PPIP5K1: variants seen among roughly 807,000 people sequenced by gnomAD.
PPIP5K1 encodes diphosphoinositol pentakisphosphate kinase 1.
PPIP5K1 carries 6 observed loss-of-function variants against 27.7 expected under a neutral mutation model. The observed-to-expected ratio is 0.22, with a 90% CI of 0.12 to 0.43. PPIP5K1 has a LOEUF of 0.43. Ranked by LOEUF, PPIP5K1 falls within the 20% of genes least tolerant of loss-of-function variation. The pLI, the probability that PPIP5K1 is intolerant of heterozygous loss-of-function variation, is 1.00. For synonymous variants in PPIP5K1, 145 were observed against 242.6 expected, an observed-to-expected ratio of 0.60 and a Z score of 3.74; for missense variants, 394 against 635.4, an observed-to-expected ratio of 0.62 and a Z score of 4.08.
chr15:43,544,114 T>C (rs928698738), intron 30 of PPIP5K1, among the ~76,000 whole-genome samples: 3 of 152,110 alleles, frequency 2.0e-5, no homozygotes, highest in Non-Finnish European at 4.4e-5. Flanking sequence ...AAAGGCACAC[T>C]CAGAGAAACT....
intron 30 of PPIP5K1, among the ~76,000 whole-genome samples, chr15:43,551,305 G>A (rs2082153389): frequency 6.6e-6 from 1 of 151,870 alleles, no homozygotes; most frequent in African/African-American, 2.4e-5. Context: ...ATCACTTGAG[G>A]CCAGGAGTTC....
intron 30 of PPIP5K1, among the ~76,000 whole-genome samples, chr15:43,544,813 T>TA: frequency 6.6e-6 from 1 of 151,496 alleles, no homozygotes; most frequent in Non-Finnish European, 1.5e-5. Context: ...ACCCTGTCTC[T>TA]AAAAAAACAC....
intron 30 of PPIP5K1, among the ~76,000 whole-genome samples, chr15:43,549,187 C>T (rs929764017): frequency 6.6e-6 from 1 of 150,462 alleles, no homozygotes; most frequent in Admixed American, 6.6e-5. Context: ...GCTGGAATCA[C>T]AGGCATGAAC....
intron 29 of PPIP5K1, 122 bp from the exon 30 acceptor site, chr15:43,559,054 T>G: frequency 1.7e-6 from 2 of 1,145,052 alleles, no homozygotes; most frequent in Non-Finnish European, 2.5e-6. Flanking sequence ...GAGTGTTGGG[T>G]ATCCAAGACT....
In PPIP5K1 at chr15:43,535,467, C is replaced by T; in HGVS notation, c.3680G>A (p.Gly1227Asp). The T allele has an allele frequency of 6.4e-7, 1 of 1,567,328 alleles. No individual in the cohort carries two copies. Among genetic ancestry groups the T allele is most frequent in the South Asian group, 1.2e-5 (1 of 82,444 alleles). ...AGCACTGGACACAGTGCTAGAAGGGCCACTGCTGTCTGTAAAGCAAAGTCA... is the reference window on the plus strand; with the variant it reads ...AGCACTGGACACAGTGCTAGAAGGGTCACTGCTGTCTGTAAAGCAAAGTCA... ...RSEKPPWYSS[G>D]PSSTVSSAGP... Residue 1227 changes from glycine to aspartate, a missense_variant, in exon 32 of 32, where the codon GGC becomes GAC. Physicochemically the swap from Gly to Asp is moderately conservative, Grantham distance 94. This residue lies in a region of PPIP5K1 where 379 missense variants were observed against 423.9 expected (regional missense o/e 0.89). Coordinates refer to ENST00000420765, the MANE Select transcript of PPIP5K1 (RefSeq NM_001394395.1).
In PPIP5K1 at chr15:43,534,617, T is replaced by C. The variant is rs937087471; in HGVS notation, c.*57A>G. The C allele has an allele frequency of 6.2e-6, 9 of 1,452,186 alleles. No homozygotes were observed. The highest frequency in any genetic ancestry group is 8.3e-6 in the Non-Finnish European group (9 of 1,083,932). 90.0% of individuals were successfully genotyped at this position (1,452,186 alleles called of 1,614,324 possible). A position where few individuals can be genotyped will look rare whatever the true frequency, so the allele number is the denominator to read the frequency against. ...TTGGATCACCAGATGGATGCTGGGC[T>C]TGAGGAATACCCTCTCCAGGCAGCT... On this transcript the variant is annotated 3_prime_UTR_variant, in exon 32 of 32. Coordinates refer to ENST00000420765, the MANE Select transcript of PPIP5K1 (RefSeq NM_001394395.1).
chr15:43,544,115 C>G (rs987370736), intron 30 of PPIP5K1, among the ~76,000 whole-genome samples: 1 of 152,082 alleles, frequency 6.6e-6, no homozygotes, highest in Non-Finnish European at 1.5e-5. Flanking sequence ...AAGGCACACT[C>G]AGAGAAACTG....
At chr15:43,578,319 AAACATAGGGTGAGCATGAGC>A (rs1236530882) in intron 11 of PPIP5K1, among the ~76,000 whole-genome samples, 163 bp from the exon 12 acceptor site, 3 of 12,092 alleles carry the variant, frequency 2.5e-4, no homozygotes, top group African/African-American at 4.6e-4. Context: ...GGCCCAGGAG[AAACATAGGGTGAGCATGAGC>A]AACATAGGGT....
At chr15:43,541,435 G>A (rs570814624) in intron 30 of PPIP5K1, among the ~76,000 whole-genome samples, 43 of 152,148 alleles carry the variant, frequency 2.8e-4, no homozygotes, top group Admixed American at 9.2e-4. Context: ...TTGAAAAGAA[G>A]GTCAGGCACG....
At chr15:43,579,631 G>GTGTGTGTA (rs1310083869) in intron 10 of PPIP5K1, among the ~76,000 whole-genome samples, 6 of 35,722 alleles carry the variant, frequency 1.7e-4, no homozygotes, top group Admixed American at 4.1e-4. Flanking sequence ...GTGTGTGTGT[G>GTGTGTGTA]TATATATATA....
At position 43,579,383 on chromosome 15, in the gene PPIP5K1, T is replaced by TATACAC. The variant is rs1555440993; in HGVS notation, c.1062-264_1062-263insGTGTAT. On this transcript the variant is annotated intron_variant, in intron 10 of 31. Transcript: ENST00000420765. ...GGAGTACATAGGGGCTTCGATTATA[T>TATACAC]ACACACACACACACACACACACACA... 2.1e-4 allele frequency among the ~76,000 whole-genome samples: 18 copies of TATACAC among 84,308 alleles called. 1 individual carries two copies. Among genetic ancestry groups the TATACAC allele is most frequent in the Admixed American group, 8.4e-4 (8 of 9,538 alleles). The allele number at this position is 84,308 out of a possible 152,430, so 55.3% of individuals were successfully genotyped here.
At chr15:43,542,829 G>C (rs930786484) in intron 30 of PPIP5K1, among the ~76,000 whole-genome samples, 1 of 151,138 alleles carries the variant, frequency 6.6e-6, no homozygotes, top group Non-Finnish European at 1.5e-5. Flanking sequence ...CTATAGGTGT[G>C]TGCCATCATG....
chr15:43,554,078 G>C (rs2082608431), intron 30 of PPIP5K1, among the ~76,000 whole-genome samples: 1 of 152,126 alleles, frequency 6.6e-6, no homozygotes, highest in African/African-American at 2.4e-5. Context: ...AGGAGGTCAA[G>C]GCTGCAGTGA....
At chr15:43,567,401 AGC>A (rs1235958757) in intron 26 of PPIP5K1, among the ~76,000 whole-genome samples, 337 of 2,490 alleles carry the variant, frequency 0.14, no homozygotes, top group Middle Eastern at 0.25. Context: ...TATAGGCATG[AGC>A]CACTGCGCCT....
intron 10 of PPIP5K1, among the ~76,000 whole-genome samples, chr15:43,579,653 A>ATTTTT (rs1179725070): frequency 1.4e-4 from 4 of 28,794 alleles, no homozygotes; most frequent in Non-Finnish European, 2.0e-4. Flanking sequence ...ATATATATAT[A>ATTTTT]TTTTTTTTTT....
Position 43,535,417 on chromosome 15 carries a change from C to A in PPIP5K1, c.3730G>T (p.Asp1244Tyr). The change falls in exon 32 of 32, where the codon GAT (aspartate) becomes TAT (tyrosine). Residue 1244 changes from aspartate (D) to tyrosine (Y), a missense_variant. Physicochemically the swap from Asp to Tyr is radical, Grantham distance 160. Transcript: ENST00000420765. ...CTGAAGCCAAATTGGGAGTTACCATCTACTGTAGTAGGGGAAGAAGGACCA... is the reference window on the plus strand; with the variant it reads ...CTGAAGCCAAATTGGGAGTTACCATATACTGTAGTAGGGGAAGAAGGACCA... ...SAGPSSPTTV[D>Y]GNSQFGFSDQ... 10 of 1,613,164 alleles carry A rather than the reference C, an allele frequency of 6.2e-6. No individual in the cohort carries two copies. Among genetic ancestry groups the A allele is most frequent in the Non-Finnish European group, 8.5e-6 (10 of 1,179,534 alleles).
At chr15:43,552,455 T>C (rs1381692459) in intron 30 of PPIP5K1, among the ~76,000 whole-genome samples, 1 of 144,866 alleles carries the variant, frequency 6.9e-6, no homozygotes, top group African/African-American at 2.6e-5. Context: ...CCTGTAATCC[T>C]AGCATTTTGG....
chr15:43,535,180 G>C lies in PPIP5K1; in HGVS notation c.3967C>G (p.Gln1323Glu), dbSNP rs772999326. The C allele has an allele frequency of 6.2e-7, 1 of 1,613,546 alleles. No homozygotes were observed. Among genetic ancestry groups the C allele is most frequent in the Non-Finnish European group, 8.5e-7 (1 of 1,179,838 alleles). Residue 1323 changes from glutamine (Q) to glutamate (E), a missense_variant, in exon 32 of 32, where the codon CAG becomes GAG. Physicochemically the swap from Gln to Glu is conservative, Grantham distance 29. This residue lies in a region of PPIP5K1 where 379 missense variants were observed against 423.9 expected (regional missense o/e 0.89). Coordinates refer to ENST00000420765, the MANE Select transcript of PPIP5K1 (RefSeq NM_001394395.1). Reference protein sequence around the residue: ...QPCQEVPDISQPCQDISEALS... With the variant: ...QPCQEVPDISEPCQDISEALS... ...GCCTCAGAAATGTCCTGGCATGGCT[G>C]GCTGATGTCAGGGACCTCCTGACAT...
intron 30 of PPIP5K1, among the ~76,000 whole-genome samples, chr15:43,542,907 T>C (rs2080946850): frequency 6.6e-6 from 1 of 152,096 alleles, no homozygotes; most frequent in Non-Finnish European, 1.5e-5. Flanking sequence ...TCTAAATTCC[T>C]AGGCTCAAGC....
Sources: gnomAD v4.1 joint callset for allele counts (sites outside exome capture counted in the v4.1 genomes callset) on GRCh38, gnomAD v4.1.1 for gene constraint, gnomAD v4.1.1 regional missense constraint, MANE v1.5 for transcripts, NCBI Gene and HGNC (gene_info 2026-07-23, HGNC 2026-07-21) for gene names.